The following IQCE variants were observed in gnomAD, a reference collection of about 807,000 sequenced individuals.
The protein encoded by IQCE is IQ motif containing E, also known as IQ domain-containing protein E.
IQCE carries 115 observed loss-of-function variants against 96.0 expected under a neutral mutation model. The ratio of observed to expected loss-of-function variants is 1.20; its 90% CI spans 1.03 to 1.40. The LOEUF (loss-of-function observed/expected upper bound fraction) is 1.40. Ranked by LOEUF, IQCE falls within the 40% of genes most tolerant of loss-of-function variation. The pLI is 0.00. For synonymous variants in IQCE, 412 were observed against 371.2 expected (o/e 1.11, Z -1.26); for missense variants, 1,041 against 909.1 (o/e 1.15, Z -1.87).
intron 8 of IQCE, among the ~76,000 whole-genome samples, chr7:2,579,729 G>GTGTCTGTGTGTC (rs200858854): frequency 6.8e-6 from 1 of 147,812 alleles, no homozygotes; most frequent in Non-Finnish European, 1.5e-5. Context: ...GTGTGTGTGT[G>GTGTCTGTGTGTC]TGTGTGTGTC....
rs1782349597 is a variant in IQCE at position 2,578,180 on chromosome 7, C to T, written c.466-62C>T. ...GTGTGCGTGGCTGTGTGCGCGGGGA[C>T]GTGTGTGCGGCGTGTGCGCAGCTTC... On this transcript the variant is annotated intron_variant, in intron 6 of 21. Coordinates refer to ENST00000402050, the MANE Select transcript of IQCE (RefSeq NM_152558.5). The T allele has an allele frequency of 2.9e-5, 37 of 1,277,040 alleles. 1 individual carries two copies. The highest frequency in any genetic ancestry group is 2.3e-4 in the South Asian group (19 of 84,074). The allele number at this position is 1,277,040 out of a possible 1,614,324, so 79.1% of individuals were successfully genotyped here.
intron 6 of IQCE, among the ~76,000 whole-genome samples, chr7:2,577,946 G>T (rs71522297): frequency 0.11 from 3,032 of 27,586 alleles, 1,243 homozygotes; most frequent in Non-Finnish European, 0.14. Flanking sequence ...CGTGCCCGCA[G>T]TGTCGTGTGC....
chr7:2,596,874 T>C (rs1243068686), intron 16 of IQCE: 1 of 435,146 alleles, frequency 2.3e-6, no homozygotes, highest in African/African-American at 2.0e-5. Context: ...GCCGGAATGC[T>C]GGTGCCAAGC....
chr7:2,582,461 G>A, intron 8 of IQCE, 119 bp from the exon 9 acceptor site: 1 of 815,404 alleles, frequency 1.2e-6, no homozygotes, highest in South Asian at 1.5e-5. Flanking sequence ...CTAGAAGAGA[G>A]CACAGCGCTG....
chr7:2,564,159 C>G (rs1781188787), intron 1 of IQCE, among the ~76,000 whole-genome samples: 1 of 151,988 alleles, frequency 6.6e-6, no homozygotes, highest in Non-Finnish European at 1.5e-5. Context: ...TTGTGGTGAG[C>G]CAAGATCATG....
chr7:2,564,488 C>T (rs1458018422), intron 1 of IQCE, among the ~76,000 whole-genome samples: 2 of 151,908 alleles, frequency 1.3e-5, no homozygotes, highest in Non-Finnish European at 2.9e-5. Context: ...ATCCCAGCTA[C>T]TCAGGAGGCT....
At chr7:2,597,648 T>C (rs1360027913) in intron 16 of IQCE, among the ~76,000 whole-genome samples, 1 of 152,226 alleles carries the variant, frequency 6.6e-6, no homozygotes, top group Non-Finnish European at 1.5e-5. Context: ...TTTGGAGTCA[T>C]CAGTGTTAGA....
chr7:2,605,111 G>A lies in IQCE; in HGVS notation c.1743+120G>A, dbSNP rs556050879. ...CCACATCCCCGCCCGCCCAGCAGGC[G>A]TCCCCTGCGCTCCATCCCTGGCCAC... On this transcript the variant is annotated intron_variant, in intron 19 of 21. Transcript: ENST00000402050. The A allele has an allele frequency of 9.0e-5, 63 of 699,198 alleles. No homozygotes were observed. The African/African-American group carries it at 9.0e-4, about 10-fold the overall frequency. The allele number at this position is 699,198 out of a possible 1,614,324, so 43.3% of individuals were successfully genotyped here. A position where few individuals can be genotyped will look rare whatever the true frequency, so the allele number is the denominator to read the frequency against.
intron 17 of IQCE, among the ~76,000 whole-genome samples, chr7:2,598,951 C>T (rs745593885): frequency 6.6e-6 from 1 of 152,232 alleles, no homozygotes; most frequent in Non-Finnish European, 1.5e-5. Flanking sequence ...CTGACCACAG[C>T]ACCGTGACTG....
intron 15 of IQCE, among the ~76,000 whole-genome samples, chr7:2,593,682 G>A (rs760195886): frequency 6.6e-6 from 1 of 152,244 alleles, no homozygotes; most frequent in East Asian, 1.9e-4. Context: ...TGTCCAGAAC[G>A]GGCGGACCCA....
chr7:2,602,829 T>C (rs565067540), intron 18 of IQCE, among the ~76,000 whole-genome samples: 1 of 152,338 alleles, frequency 6.6e-6, no homozygotes, highest in South Asian at 2.1e-4. Flanking sequence ...GTCGCGGGTG[T>C]GGGCGGCACA....
chr7:2,606,183 CG>C (rs987837707), intron 20 of IQCE, among the ~76,000 whole-genome samples, 186 bp downstream of exon 20: 1 of 152,220 alleles, frequency 6.6e-6, no homozygotes, highest in Non-Finnish European at 1.5e-5. Flanking sequence ...TGCTGCACCA[CG>C]GACGTGGAGT....
In IQCE at chr7:2,572,242, A is replaced by G. The variant is rs776287593; in HGVS notation, c.310A>G (p.Thr104Ala). 1 of 1,614,178 alleles carries G rather than the reference A, an allele frequency of 6.2e-7. No homozygotes were observed. The highest frequency in any genetic ancestry group is 8.5e-7 in the Non-Finnish European group (1 of 1,180,010). Residue 104 changes from threonine (T) to alanine (A), a missense_variant, in exon 5 of 22, where the codon ACT becomes GCT. Physicochemically the swap from Thr to Ala is moderately conservative, Grantham distance 58. Coordinates refer to ENST00000402050, the MANE Select transcript of IQCE (RefSeq NM_152558.5). ...ACCCCTCACCTGGGAGCATGCGTGG[A>G]CTGGCGTCCCCGGCGGCACTCCTGA... Reference protein sequence around the residue: ...NSPLTWEHAWTGVPGGTPDCL... With the variant: ...NSPLTWEHAWAGVPGGTPDCL...
intron 3 of IQCE, 33 bp downstream of exon 3, chr7:2,569,032 G>T: frequency 6.2e-7 from 1 of 1,603,128 alleles, no homozygotes; most frequent in Non-Finnish European, 8.5e-7. Context: ...TCCCTCTCAC[G>T]CCGACGTTCC....
chr7:2,578,586 A>G (rs1410292728), intron 8 of IQCE, 60 bp downstream of exon 8: 5 of 1,573,070 alleles, frequency 3.2e-6, no homozygotes, highest in African/African-American at 2.7e-5. Context: ...GGGGACAGCC[A>G]CAGAGGGACG....
In IQCE at chr7:2,606,119, C is replaced by T. The variant is rs1001540506; in HGVS notation, c.1865+122C>T. On this transcript the variant is annotated intron_variant, in intron 20 of 21. Coordinates refer to ENST00000402050, the MANE Select transcript of IQCE (RefSeq NM_152558.5). ...AACTGGAGCAGCGCCTGCCGCCTGC[C>T]AGCGGGACCTCGGTTTGGAGCCAGA... 6 of 1,234,646 alleles carry T rather than the reference C, an allele frequency of 4.9e-6. No homozygotes were observed. In the African/African-American group the frequency reaches 7.8e-5, roughly 16 times the overall value. The allele number at this position is 1,234,646 out of a possible 1,614,324, so 76.5% of individuals were successfully genotyped here.
chr7:2,594,225 C>T (rs1162792573), intron 15 of IQCE, among the ~76,000 whole-genome samples: 2 of 152,178 alleles, frequency 1.3e-5, no homozygotes, highest in Admixed American at 6.5e-5. Context: ...ATGCCACTGT[C>T]CTCTATCCTG....
chr7:2,592,866 A>G (rs963591956), intron 14 of IQCE, among the ~76,000 whole-genome samples, 156 bp from the exon 15 acceptor site: 3 of 152,188 alleles, frequency 2.0e-5, no homozygotes, highest in Non-Finnish European at 4.4e-5. Flanking sequence ...GTCCTTGGCA[A>G]TGTGTGATTA....
In IQCE at chr7:2,570,601, C is replaced by T. The variant is rs966945695; in HGVS notation, c.131-925C>T. Among the ~76,000 whole-genome samples the T allele has an allele frequency of 3.6e-4, 54 of 152,016 alleles. 1 individual carries two copies. Among genetic ancestry groups the T allele is most frequent in the African/African-American group, 1.3e-3 (54 of 41,370 alleles). ...AACTTAGAAACTTAAACATTTTGAACATATTAGACTTAAATTTTCAGACCC... is the reference window on the plus strand; with the variant it reads ...AACTTAGAAACTTAAACATTTTGAATATATTAGACTTAAATTTTCAGACCC... On this transcript the variant is annotated intron_variant, in intron 3 of 21. Transcript: ENST00000402050.
Sources: gnomAD v4.1 joint callset for allele counts (sites outside exome capture counted in the v4.1 genomes callset) on GRCh38, gnomAD v4.1.1 for gene constraint, MANE v1.5 for transcripts, NCBI Gene and HGNC (gene_info 2026-07-23, HGNC 2026-07-21) for gene names.